Variants in RCAN2 observed in about 807,000 individuals in gnomAD.
RCAN2 encodes calcipressin-2.
Under a neutral mutation model 23.6 loss-of-function variants are expected in RCAN2, and 9 were observed. That is an observed-to-expected ratio of 0.38 (90% CI 0.23 to 0.67). RCAN2 has a LOEUF of 0.67. RCAN2 is among the 30% of genes least tolerant of loss of function. The probability of loss-of-function intolerance (pLI) is 0.51; values close to 1 mark genes in which losing one functional copy is unlikely to be tolerated. For synonymous variants in RCAN2, 109 were observed against 115.7 expected, an observed-to-expected ratio of 0.94 and a Z score of 0.37; for missense variants, 273 against 302.3, an observed-to-expected ratio of 0.90 and a Z score of 0.72.
intron 2 of RCAN2, among the ~76,000 whole-genome samples, chr6:46,293,877 G>T (rs920513581): frequency 6.6e-6 from 1 of 152,166 alleles, no homozygotes; most frequent in African/African-American, 2.4e-5. Flanking sequence ...GTCAGGTGGA[G>T]AATAGTAATT....
At chr6:46,321,345 C>A (rs989330575) in intron 2 of RCAN2, among the ~76,000 whole-genome samples, 1 of 152,168 alleles carries the variant, frequency 6.6e-6, no homozygotes. Flanking sequence ...AGGGCAGGGA[C>A]GTTTATCGAA....
intron 4 of RCAN2, among the ~76,000 whole-genome samples, chr6:46,236,918 T>C (rs1766120697): frequency 6.6e-6 from 1 of 152,202 alleles, no homozygotes; most frequent in Non-Finnish European, 1.5e-5. Context: ...AAATAGATCT[T>C]TAATTATAAC....
intron 2 of RCAN2, among the ~76,000 whole-genome samples, chr6:46,456,216 A>G (rs1319352886): frequency 6.6e-6 from 1 of 152,206 alleles, no homozygotes; most frequent in Non-Finnish European, 1.5e-5. Context: ...CAACACACAC[A>G]TGGCAATACC....
intron 4 of RCAN2, among the ~76,000 whole-genome samples, chr6:46,230,513 G>A (rs928973550): frequency 6.6e-6 from 1 of 152,178 alleles, no homozygotes; most frequent in Non-Finnish European, 1.5e-5. Flanking sequence ...CCACCTTGCA[G>A]TTTGATCTCA....
chr6:46,233,485 T>A (rs1765970808), intron 4 of RCAN2, among the ~76,000 whole-genome samples: 1 of 152,152 alleles, frequency 6.6e-6, no homozygotes, highest in Non-Finnish European at 1.5e-5. Flanking sequence ...GAAAGGGGGA[T>A]GGCCTCTGTC....
chr6:46,248,278 C>A (rs1312783520), intron 3 of RCAN2, among the ~76,000 whole-genome samples: 1 of 152,168 alleles, frequency 6.6e-6, no homozygotes, highest in Non-Finnish European at 1.5e-5. Context: ...AAAAGTTATA[C>A]ATTCCACTAA....
At chr6:46,231,149 T>C (rs1335544503) in intron 4 of RCAN2, among the ~76,000 whole-genome samples, 2 of 152,122 alleles carry the variant, frequency 1.3e-5, no homozygotes, top group East Asian at 3.9e-4. Context: ...GTCATTAGGG[T>C]GGGCTCTACA....
intron 2 of RCAN2, among the ~76,000 whole-genome samples, chr6:46,413,770 T>C (rs1340486033): frequency 6.6e-6 from 1 of 152,180 alleles, no homozygotes; most frequent in Non-Finnish European, 1.5e-5. Context: ...AGAACACAGT[T>C]TGAACCACTT....
At chr6:46,244,513 G>C (rs982718613) in intron 4 of RCAN2, among the ~76,000 whole-genome samples, 1 of 152,082 alleles carries the variant, frequency 6.6e-6, no homozygotes, top group Non-Finnish European at 1.5e-5. Context: ...ATCAATCTTT[G>C]TGAATGCTGA....
chr6:46,225,847 T>C (rs1383547949), intron 4 of RCAN2, among the ~76,000 whole-genome samples: 1 of 152,230 alleles, frequency 6.6e-6, no homozygotes, highest in African/African-American at 2.4e-5. Flanking sequence ...GTTTCAGTCA[T>C]GAAGTCCTTG....
At chr6:46,311,854 A>G (rs1229767204) in intron 2 of RCAN2, among the ~76,000 whole-genome samples, 1 of 152,144 alleles carries the variant, frequency 6.6e-6, no homozygotes, top group African/African-American at 2.4e-5. Flanking sequence ...GTCTCCCAAT[A>G]TCCACCTTCC....
At chr6:46,255,391 A>C (rs955231080) in intron 2 of RCAN2, among the ~76,000 whole-genome samples, 3 of 152,214 alleles carry the variant, frequency 2.0e-5, no homozygotes, top group African/African-American at 7.2e-5. Flanking sequence ...ATCACATTCA[A>C]CTGAAAGAAT....
chr6:46,308,521 T>G (rs547199988), intron 2 of RCAN2, among the ~76,000 whole-genome samples: 1 of 152,184 alleles, frequency 6.6e-6, no homozygotes, highest in East Asian at 1.9e-4. Flanking sequence ...GACCAAAATG[T>G]CTAAGCACAA....
At chr6:46,466,731 A>G (rs1377611281) in intron 1 of RCAN2, among the ~76,000 whole-genome samples, 1 of 152,198 alleles carries the variant, frequency 6.6e-6, no homozygotes, top group Admixed American at 6.5e-5. Flanking sequence ...CTTCCTATCT[A>G]GACTTATCAA....
At chr6:46,304,394 T>C (rs983306745) in intron 2 of RCAN2, among the ~76,000 whole-genome samples, 6 of 152,144 alleles carry the variant, frequency 3.9e-5, no homozygotes, top group African/African-American at 1.4e-4. Flanking sequence ...CTCTGAGTGC[T>C]GCCATTTAAT....
intron 2 of RCAN2, among the ~76,000 whole-genome samples, chr6:46,440,779 C>T (rs1183841076): frequency 6.6e-6 from 1 of 151,962 alleles, no homozygotes; most frequent in Non-Finnish European, 1.5e-5. Context: ...TACCAGTTCC[C>T]CAGAGTAAAC....
chr6:46,466,192 G>T (rs191557316), intron 1 of RCAN2, among the ~76,000 whole-genome samples: 60 of 152,294 alleles, frequency 3.9e-4, no homozygotes, highest in African/African-American at 1.4e-3. Context: ...TCACAGGAGG[G>T]CAACACTTCA....
chr6:46,490,922 GGGTCGCGGGAGATCTCCGTCCCCAC>G (rs945805234), intron 1 of RCAN2, among the ~76,000 whole-genome samples: 1 of 151,898 alleles, frequency 6.6e-6, no homozygotes, highest in African/African-American at 2.4e-5. Context: ...CCCTAGAGGG[GGGTCGCGGGAGATCTCCGTCCCCAC>G]GGCCGCAGCC....
Position 46,338,597 on chromosome 6 carries a change from T to C in RCAN2, c.226-89701A>G, listed in dbSNP as rs148726999. On this transcript the variant is annotated intron_variant, in intron 2 of 4. Transcript: ENST00000371374. ...AAATAACAAAAGTCTGTTATCAGCC[T>C]CCGACTCACTCTGCTTCCCTGCTGA... Among the ~76,000 whole-genome samples the C allele has an allele frequency of 5.7e-3, 868 of 152,306 alleles. 13 individuals carry two copies. The highest frequency in any genetic ancestry group is 0.034 in the Admixed American group (525 of 15,290).
Sources: allele counts gnomAD v4.1 joint callset (sites outside exome capture counted in the v4.1 genomes callset), GRCh38; gene constraint gnomAD v4.1.1; transcripts MANE v1.5; gene names NCBI Gene and HGNC (gene_info 2026-07-23, HGNC 2026-07-21).